EPHA3: variants seen among roughly 807,000 people sequenced by gnomAD.
EPHA3 encodes EPH receptor A3, also known as ephrin type-A receptor 3.
EPHA3 carries 42 observed loss-of-function variants against 107.1 expected under a neutral mutation model. The ratio of observed to expected loss-of-function variants is 0.39; its 90% CI spans 0.31 to 0.51. EPHA3 has a LOEUF of 0.51. EPHA3 is among the 20% of genes least tolerant of loss of function. The pLI is 0.78. For missense variants in EPHA3, 1,183 were observed against 1,211.2 expected (o/e 0.98, Z 0.35); for synonymous variants, 461 against 424.8 (o/e 1.09, Z -1.05).
chr3:89,460,823 C>CTCTCTCTTTTTTTTT (rs1199238290), intron 15 of EPHA3, among the ~76,000 whole-genome samples: 1 of 103,034 alleles, frequency 9.7e-6, no homozygotes, highest in Non-Finnish European at 2.1e-5. Context: ...CTCTGTCTCT[C>CTCTCTCTTTTTTTTT]TTTTTTTTTT....
intron 11 of EPHA3, among the ~76,000 whole-genome samples, chr3:89,428,322 A>C (rs2107533998): frequency 6.6e-6 from 1 of 152,154 alleles, no homozygotes; most frequent in Non-Finnish European, 1.5e-5. Flanking sequence ...TGTAAAATGG[A>C]AATAATAATA....
chr3:89,203,184 T>C (rs1403021004), intron 2 of EPHA3, among the ~76,000 whole-genome samples: 11 of 151,878 alleles, frequency 7.2e-5, no homozygotes, highest in Non-Finnish European at 1.5e-4. Flanking sequence ...AAGGGATATA[T>C]AGCATTAGTT....
At chr3:89,303,974 A>G (rs1159734114) in intron 3 of EPHA3, among the ~76,000 whole-genome samples, 8 of 152,094 alleles carry the variant, frequency 5.3e-5, no homozygotes, top group African/African-American at 1.9e-4. Context: ...AACCAGACTT[A>G]CTTTTCTTTT....
intron 3 of EPHA3, among the ~76,000 whole-genome samples, chr3:89,271,350 A>G (rs557582329): frequency 3.3e-5 from 5 of 152,056 alleles, no homozygotes; most frequent in Non-Finnish European, 7.4e-5. Context: ...ATTCCCTTGC[A>G]GAGTACAGCA....
chr3:89,256,266 G>A (rs1705282875), intron 3 of EPHA3, among the ~76,000 whole-genome samples: 1 of 151,114 alleles, frequency 6.6e-6, no homozygotes, highest in Non-Finnish European at 1.5e-5. Context: ...ATAAAAAATA[G>A]GCCAGGCATG....
At chr3:89,184,782 G>A (rs1705524608) in intron 2 of EPHA3, among the ~76,000 whole-genome samples, 1 of 151,992 alleles carries the variant, frequency 6.6e-6, no homozygotes, top group Non-Finnish European at 1.5e-5. Context: ...GCAAGATAAT[G>A]ATGGGGAGTC....
intron 5 of EPHA3, among the ~76,000 whole-genome samples, chr3:89,371,959 AT>A (rs947782524): frequency 7.3e-5 from 11 of 151,608 alleles, no homozygotes; most frequent in African/African-American, 2.2e-4. Flanking sequence ...GCAATTCTCT[AT>A]GATTAACTTC....
chr3:89,117,140 C>A (rs1482074898), intron 1 of EPHA3, among the ~76,000 whole-genome samples: 2 of 152,012 alleles, frequency 1.3e-5, no homozygotes, highest in African/African-American at 4.8e-5. Context: ...AAAACTGTTT[C>A]TTCTCGATTT....
At chr3:89,363,297 A>T (rs1273041823) in intron 5 of EPHA3, among the ~76,000 whole-genome samples, 1 of 150,392 alleles carries the variant, frequency 6.6e-6, no homozygotes, top group Admixed American at 6.7e-5. Flanking sequence ...ACAGAGAGAG[A>T]GTGAGAGAGA....
chr3:89,136,360 T>C (rs1704315418), intron 2 of EPHA3, among the ~76,000 whole-genome samples: 1 of 133,694 alleles, frequency 7.5e-6, no homozygotes, highest in African/African-American at 2.9e-5. Context: ...TTTTTGACCC[T>C]TTCCTTGAAA....
chr3:89,213,442 C>T (rs1704153716), intron 3 of EPHA3, among the ~76,000 whole-genome samples: 3 of 151,894 alleles, frequency 2.0e-5, no homozygotes, highest in African/African-American at 2.4e-5. Flanking sequence ...TTCCACTACG[C>T]CTTTCAGAAT....
intron 5 of EPHA3, among the ~76,000 whole-genome samples, chr3:89,385,436 GTT>G (rs1298796542): frequency 6.6e-6 from 1 of 152,148 alleles, no homozygotes; most frequent in African/African-American, 2.4e-5. Flanking sequence ...AGATCTGATA[GTT>G]TTATAAGGAT....
intron 3 of EPHA3, among the ~76,000 whole-genome samples, chr3:89,257,290 C>T (rs1374430211): frequency 2.0e-5 from 3 of 152,132 alleles, no homozygotes; most frequent in Non-Finnish European, 2.9e-5. Context: ...TTAAAAAATC[C>T]AAACACTTCC....
intron 1 of EPHA3, among the ~76,000 whole-genome samples, chr3:89,109,990 T>G (rs1363023484): frequency 1.3e-5 from 2 of 151,960 alleles, no homozygotes; most frequent in Non-Finnish European, 2.9e-5. Flanking sequence ...TCAGTTGAGT[T>G]GAATAACATG....
intron 3 of EPHA3, among the ~76,000 whole-genome samples, chr3:89,282,308 A>G (rs1364558352): frequency 2.0e-5 from 3 of 152,180 alleles, no homozygotes; most frequent in African/African-American, 7.2e-5. Context: ...ATATGTACTG[A>G]GCACATACTA....
intron 3 of EPHA3, among the ~76,000 whole-genome samples, chr3:89,220,038 A>G (rs1704333594): frequency 6.6e-6 from 1 of 152,066 alleles, no homozygotes; most frequent in Admixed American, 6.6e-5. Context: ...ACAGCTGAAG[A>G]AAGGGGTTGC....
At chr3:89,360,906 A>T (rs1369759904) in intron 5 of EPHA3, among the ~76,000 whole-genome samples, 1 of 151,000 alleles carries the variant, frequency 6.6e-6, no homozygotes, top group Admixed American at 6.6e-5. Flanking sequence ...TTTTTAATTG[A>T]CCAATGACAA....
chr3:89,475,536 A>G (rs73139131), intron 16 of EPHA3, among the ~76,000 whole-genome samples: 34,238 of 152,164 alleles, frequency 0.23, 4,158 homozygotes, highest in Non-Finnish European at 0.25. Flanking sequence ...GAACACATGC[A>G]ATTTTGTTTA....
At chr3:89,351,898 T>C (rs1707830659) in intron 5 of EPHA3, among the ~76,000 whole-genome samples, 1 of 145,288 alleles carries the variant, frequency 6.9e-6, no homozygotes, top group Non-Finnish European at 1.5e-5. Context: ...AATAAATAAG[T>C]AATTTTCTGT....
Sources: allele counts gnomAD v4.1 joint callset (sites outside exome capture counted in the v4.1 genomes callset), GRCh38; gene constraint gnomAD v4.1.1; transcripts MANE v1.5; gene names NCBI Gene and HGNC (gene_info 2026-07-23, HGNC 2026-07-21).